CIPC: variants seen among roughly 807,000 people sequenced by gnomAD.
CIPC encodes CLOCK interacting pacemaker.
A neutral mutation model predicts 26.7 loss-of-function variants in CIPC; 12 were observed. The ratio of observed to expected loss-of-function variants is 0.45; its 90% CI spans 0.29 to 0.73. The LOEUF (loss-of-function observed/expected upper bound fraction) is 0.73. Ranked by LOEUF, CIPC falls within the 30% of genes least tolerant of loss-of-function variation. The pLI, the probability that CIPC is intolerant of heterozygous loss-of-function variation, is 0.12. For missense variants in CIPC, 417 were observed against 486.5 expected (o/e 0.86, Z 1.34); for synonymous variants, 170 against 189.8 (o/e 0.90, Z 0.86).
rs1487639080 is a variant in CIPC, at chr14:77,116,499, C to T, written c.*2181C>T. 1.3e-5 allele frequency: 2 copies of T among 152,164 alleles called. No homozygotes were observed. Among genetic ancestry groups the T allele is most frequent in the East Asian group, 3.8e-4 (2 of 5,196 alleles). The allele number at this position is 152,164 out of a possible 1,614,324, so 9.4% of individuals were successfully genotyped here. ...ACCAAATTTATTCCATTGGAAAAAC[C>T]CTCTGTGGAGCTATAAGCCTCTTGG... On this transcript the variant is annotated 3_prime_UTR_variant, in exon 4 of 4. Coordinates refer to ENST00000361786, the MANE Select transcript of CIPC (RefSeq NM_033426.3).
chr14:77,113,534 G>T lies in CIPC; in HGVS notation c.416G>T (p.Ser139Ile). The part of the protein sequence containing the change: ...FLHPPVPSPV[S>I]PCHTGEKKSD... Reference sequence around the variant, plus strand: ...CATCCACCTGTACCATCTCCTGTCAGTCCATGTCACACTGGTGAGAAAAAG... The same window carrying T: ...CATCCACCTGTACCATCTCCTGTCATTCCATGTCACACTGGTGAGAAAAAG... Residue 139 changes from serine to isoleucine, a missense_variant, in exon 4 of 4, where the codon AGT becomes ATT. Coordinates refer to ENST00000361786, the MANE Select transcript of CIPC (RefSeq NM_033426.3). 6.2e-7 allele frequency: 1 copy of T among 1,614,184 alleles called. No homozygotes were observed. The highest frequency in any genetic ancestry group is 8.5e-7 in the Non-Finnish European group (1 of 1,180,028).
chr14:77,109,718 C>A, intron 2 of CIPC, 94 bp from the exon 3 acceptor site: 1 of 1,110,950 alleles, frequency 9.0e-7, no homozygotes, highest in Non-Finnish European at 1.3e-6. Flanking sequence ...ACAAGTGTTG[C>A]ATTCAATTTC....
intron 3 of CIPC, among the ~76,000 whole-genome samples, chr14:77,111,125 G>C (rs1333980372): frequency 2.0e-5 from 3 of 152,176 alleles, no homozygotes; most frequent in African/African-American, 7.2e-5. Flanking sequence ...GCTTCTCCTG[G>C]GCTTCCTTTC....
At chr14:77,102,965 T>C (rs1886520562) in intron 1 of CIPC, among the ~76,000 whole-genome samples, 2 of 152,252 alleles carry the variant, frequency 1.3e-5, no homozygotes, top group South Asian at 4.1e-4. Flanking sequence ...GGGCCGTCCA[T>C]GCTGTCAAAT....
rs1379368081 is a variant in CIPC, at chr14:77,114,837, C to G, written c.*519C>G. 6.4e-6 allele frequency: 1 copy of G among 155,080 alleles called. No homozygotes were observed. The highest frequency in any genetic ancestry group is 2.4e-5 in the African/African-American group (1 of 41,448). 9.6% of individuals were successfully genotyped at this position (155,080 alleles called of 1,614,324 possible). ...ACTAGTTGGGCGAGACCTAAAATTCCCTGGGCACAGGTTGCACCTGGGTGT... is the reference window on the plus strand; with the variant it reads ...ACTAGTTGGGCGAGACCTAAAATTCGCTGGGCACAGGTTGCACCTGGGTGT... On this transcript the variant is annotated 3_prime_UTR_variant, in exon 4 of 4. Transcript: ENST00000361786.
chr14:77,111,403 C>T (rs560351810), intron 3 of CIPC, among the ~76,000 whole-genome samples: 48 of 152,232 alleles, frequency 3.2e-4, no homozygotes, highest in Admixed American at 2.6e-3. Context: ...AGTTTTGTTT[C>T]GTTTTTTAAA....
At chr14:77,108,994 T>C (rs1324362039) in intron 2 of CIPC, among the ~76,000 whole-genome samples, 1 of 152,180 alleles carries the variant, frequency 6.6e-6, no homozygotes, top group Non-Finnish European at 1.5e-5. Flanking sequence ...GCTCATCTCG[T>C]ATCTTCCCTG....
At chr14:77,113,270 A>ACACAAATAG in intron 3 of CIPC, 155 bp from the exon 4 acceptor site, 1 of 781,896 alleles carries the variant, frequency 1.3e-6, no homozygotes, top group Non-Finnish European at 2.2e-6. Context: ...GTGATATCAG[A>ACACAAATAG]CACAAATAGA....
intron 1 of CIPC, among the ~76,000 whole-genome samples, chr14:77,101,576 A>G (rs1383871148): frequency 6.6e-6 from 1 of 152,184 alleles, no homozygotes; most frequent in African/African-American, 2.4e-5. Context: ...CCTCTGTGAT[A>G]CCTTTCCTCA....
chr14:77,102,653 A>G (rs1166967751), intron 1 of CIPC, among the ~76,000 whole-genome samples: 1 of 152,216 alleles, frequency 6.6e-6, no homozygotes, highest in African/African-American at 2.4e-5. Context: ...TACCTGTAAA[A>G]TAATCCATGT....
Position 77,113,997 on chromosome 14 carries a change from A to G in CIPC, c.879A>G (p.Leu293=), listed in dbSNP as rs1343225730. The G allele has an allele frequency of 1.2e-6, 2 of 1,614,066 alleles. No homozygotes were observed. The highest frequency in any genetic ancestry group is 8.5e-7 in the Non-Finnish European group (1 of 1,180,024). Residue 293 remains leucine, a synonymous_variant, in exon 4 of 4, where the codon TTA becomes TTG. Coordinates refer to ENST00000361786, the MANE Select transcript of CIPC (RefSeq NM_033426.3). The part of the protein sequence containing the change: ...SPLSANYSSP[L]WAAEHLCRSP... Reference sequence around the variant, plus strand: ...TGTCCGCTAATTATAGCTCACCTTTATGGGCTGCAGAGCACCTCTGCCGCA... The same window carrying G: ...TGTCCGCTAATTATAGCTCACCTTTGTGGGCTGCAGAGCACCTCTGCCGCA...
chr14:77,112,700 T>C (rs1356618672), intron 3 of CIPC, among the ~76,000 whole-genome samples: 2 of 151,512 alleles, frequency 1.3e-5, no homozygotes, highest in African/African-American at 4.9e-5. Flanking sequence ...CTTTTCTTTC[T>C]GTTTTTTTTT....
chr14:77,105,976 A>ATGGTAATTC, intron 2 of CIPC, 132 bp downstream of exon 2: 1 of 1,038,322 alleles, frequency 9.6e-7, no homozygotes, highest in Non-Finnish European at 1.4e-6. Flanking sequence ...CTGCTTTAAA[A>ATGGTAATTC]TGGTAATTCT....
intron 2 of CIPC, among the ~76,000 whole-genome samples, chr14:77,106,413 A>G (rs1886591568): frequency 6.6e-6 from 1 of 152,196 alleles, no homozygotes; most frequent in African/African-American, 2.4e-5. Context: ...AGATAAGAAA[A>G]TAGAACAGTT....
intron 1 of CIPC, among the ~76,000 whole-genome samples, chr14:77,105,353 C>T (rs1167105298): frequency 1.3e-5 from 2 of 152,098 alleles, no homozygotes; most frequent in Non-Finnish European, 2.9e-5. Context: ...GAGTTCATTT[C>T]GTTACCCATT....
Position 77,114,293 on chromosome 14 carries a change from CATTCTCTG to C in CIPC, c.1178_1185del (p.Phe393SerfsTer19). 1 of 1,610,966 alleles carries C rather than the reference CATTCTCTG, an allele frequency of 6.2e-7. No individual in the cohort carries two copies. The highest frequency in any genetic ancestry group is 8.5e-7 in the Non-Finnish European group (1 of 1,178,892). ...AGTAATACAGGCAGTGACCTAGAAG[CATTCTCTG>C]ATCACCCAGCCATATAGCACAGAGG... On this transcript the variant is annotated frameshift_variant, in exon 4 of 4. Coordinates refer to ENST00000361786, the MANE Select transcript of CIPC (RefSeq NM_033426.3). LOFTEE classifies it high-confidence loss of function.
intron 3 of CIPC, among the ~76,000 whole-genome samples, chr14:77,111,463 T>C (rs1886698966): frequency 6.6e-6 from 1 of 152,258 alleles, no homozygotes; most frequent in Admixed American, 6.5e-5. Context: ...GATACACATT[T>C]AAAACTCTGC....
intron 2 of CIPC, among the ~76,000 whole-genome samples, chr14:77,107,656 A>ACTCTCT (rs796858886): frequency 6.1e-4 from 78 of 127,148 alleles, no homozygotes; most frequent in African/African-American, 1.5e-3. Context: ...ACACACACAC[A>ACTCTCT]CACTCTCTCT....
chr14:77,112,159 ATGACCCCACC>A (rs1318825946), intron 3 of CIPC, among the ~76,000 whole-genome samples: 1 of 152,292 alleles, frequency 6.6e-6, no homozygotes, highest in East Asian at 1.9e-4. Context: ...GATAAATCAA[ATGACCCCACC>A]TGACCCCACT....
Sources: gnomAD v4.1 joint callset for allele counts (sites outside exome capture counted in the v4.1 genomes callset) on GRCh38, gnomAD v4.1.1 for gene constraint, MANE v1.5 for transcripts, NCBI Gene and HGNC (gene_info 2026-07-23, HGNC 2026-07-21) for gene names.